The following CDH12 variants were observed in gnomAD, a reference collection of about 807,000 sequenced individuals.
CDH12 encodes the protein cadherin 12.
In CDH12, 41 loss-of-function variants were observed where a neutral mutation model predicts 74.1. That is an observed-to-expected ratio of 0.55 (90% CI 0.43 to 0.72). CDH12 has a LOEUF of 0.72. Ranked by LOEUF, CDH12 falls within the 30% of genes least tolerant of loss-of-function variation. CDH12 has a pLI of 0.00. For synonymous variants in CDH12, 399 were observed against 355.0 expected, an observed-to-expected ratio of 1.12 and a Z score of -1.39; for missense variants, 945 against 977.2, an observed-to-expected ratio of 0.97 and a Z score of 0.44.
intron 1 of CDH12, among the ~76,000 whole-genome samples, chr5:22,595,357 T>C (rs2126804912): frequency 6.6e-6 from 1 of 152,326 alleles, no homozygotes; most frequent in South Asian, 2.1e-4. Context: ...AAAGTTATTT[T>C]GGCATATGAT....
chr5:22,213,038 T>C (rs932128872), intron 3 of CDH12, among the ~76,000 whole-genome samples: 3 of 152,156 alleles, frequency 2.0e-5, no homozygotes, highest in Admixed American at 1.3e-4. Context: ...GTGTAAGATA[T>C]TAGGTACAGT....
At chr5:21,967,443 T>A (rs1756635716) in intron 6 of CDH12, among the ~76,000 whole-genome samples, 1 of 152,192 alleles carries the variant, frequency 6.6e-6, no homozygotes, top group African/African-American at 2.4e-5. Flanking sequence ...TACAACCACT[T>A]GGAGGCTGGG....
At chr5:22,269,905 C>G (rs1045481984) in intron 3 of CDH12, among the ~76,000 whole-genome samples, 1 of 152,104 alleles carries the variant, frequency 6.6e-6, no homozygotes, top group Non-Finnish European at 1.5e-5. Flanking sequence ...AACAAATCAT[C>G]ATTATTAGAA....
chr5:22,767,920 G>A (rs1746604660), intron 1 of CDH12, among the ~76,000 whole-genome samples: 1 of 151,824 alleles, frequency 6.6e-6, no homozygotes, highest in African/African-American at 2.4e-5. Context: ...CAGAACATAA[G>A]CATTTAAACT....
chr5:21,960,482 T>C (rs539512261), intron 6 of CDH12, among the ~76,000 whole-genome samples: 41 of 152,234 alleles, frequency 2.7e-4, no homozygotes, highest in African/African-American at 7.5e-4. Context: ...CAAACCTCAA[T>C]TGAGCGTGGG....
At chr5:22,360,099 A>C (rs1439493250) in intron 3 of CDH12, among the ~76,000 whole-genome samples, 2 of 152,184 alleles carry the variant, frequency 1.3e-5, no homozygotes, top group African/African-American at 4.8e-5. Context: ...ACTGAAGGAG[A>C]TAGAGACACA....
chr5:22,535,333 T>G (rs1737795458), intron 1 of CDH12, among the ~76,000 whole-genome samples: 1 of 151,806 alleles, frequency 6.6e-6, no homozygotes, highest in Non-Finnish European at 1.5e-5. Context: ...TTTTTTTGTA[T>G]TTTTAGTAGA....
At chr5:22,481,158 T>C (rs939886198) in intron 2 of CDH12, among the ~76,000 whole-genome samples, 1 of 152,226 alleles carries the variant, frequency 6.6e-6, no homozygotes, top group African/African-American at 2.4e-5. Context: ...AGATATCGCC[T>C]CATGCCTGTT....
At chr5:22,400,811 G>A (rs1301225264) in intron 3 of CDH12, among the ~76,000 whole-genome samples, 1 of 152,068 alleles carries the variant, frequency 6.6e-6, no homozygotes, top group Non-Finnish European at 1.5e-5. Flanking sequence ...ATGTTAGTTG[G>A]CATGCTACAT....
At chr5:22,091,147 G>A (rs948449367) in intron 4 of CDH12, among the ~76,000 whole-genome samples, 1 of 150,214 alleles carries the variant, frequency 6.7e-6, no homozygotes, top group Admixed American at 6.7e-5. Context: ...GTCTCAACTT[G>A]CAGATGACAT....
chr5:22,001,929 C>T (rs4635909), intron 5 of CDH12, among the ~76,000 whole-genome samples: 25,202 of 151,648 alleles, frequency 0.17, 2,369 homozygotes, highest in African/African-American at 0.25. Flanking sequence ...ATAAGACCCA[C>T]GAGAAAAATA....
At chr5:22,331,517 T>C (rs1335584583) in intron 3 of CDH12, among the ~76,000 whole-genome samples, 2 of 152,226 alleles carry the variant, frequency 1.3e-5, no homozygotes, top group Non-Finnish European at 2.9e-5. Flanking sequence ...TATTGGACTT[T>C]GAGCCTAAGT....
chr5:21,914,871 C>CACACA (rs1754017925), intron 6 of CDH12, among the ~76,000 whole-genome samples: 1 of 152,030 alleles, frequency 6.6e-6, no homozygotes, highest in Admixed American at 6.6e-5. Flanking sequence ...CATGAAATGC[C>CACACA]AAGTTGGATG....
intron 3 of CDH12, among the ~76,000 whole-genome samples, chr5:22,399,512 C>T (rs996706881): frequency 1.3e-5 from 2 of 152,116 alleles, no homozygotes; most frequent in African/African-American, 4.8e-5. Flanking sequence ...GACATCTGTT[C>T]CATTGCCTAC....
intron 1 of CDH12, among the ~76,000 whole-genome samples, chr5:22,571,226 T>C (rs551152048): frequency 1.8e-4 from 28 of 152,338 alleles, no homozygotes; most frequent in African/African-American, 6.7e-4. Flanking sequence ...CGAGAACTTT[T>C]CCTTTGCATT....
rs762944279 is a variant in CDH12, at chr5:22,643,733, C to CTTTTTTTTTT, written c.-522-138379_-522-138370dup. 1.4e-4 allele frequency among the ~76,000 whole-genome samples: 7 copies of CTTTTTTTTTT among 51,210 alleles called. 2 individuals carry two copies. The highest frequency in any genetic ancestry group is 4.0e-4 in the African/African-American group (5 of 12,598). The allele number at this position is 51,210 out of a possible 152,430, so 33.6% of individuals were successfully genotyped here. On this transcript the variant is annotated intron_variant, in intron 1 of 14. Transcript: ENST00000382254. Reference sequence around the variant, plus strand: ...ATTGCGCTTTTGGATTTTAAGGTATCTTTTTTTTTTTTTTTTTTTTTTTTT... The same window carrying CTTTTTTTTTT: ...ATTGCGCTTTTGGATTTTAAGGTATCTTTTTTTTTTTTTTTTTTTTTTTTTTTTTTTTTTT...
chr5:22,738,515 A>G (rs572265633), intron 1 of CDH12, among the ~76,000 whole-genome samples: 24 of 152,150 alleles, frequency 1.6e-4, no homozygotes, highest in African/African-American at 5.3e-4. Flanking sequence ...GTTACCTTGT[A>G]TACAGGAGAA....
intron 1 of CDH12, among the ~76,000 whole-genome samples, chr5:22,804,174 C>T (rs888238709): frequency 2.6e-5 from 4 of 151,802 alleles, no homozygotes; most frequent in South Asian, 2.1e-4. Context: ...TAGTATTTGG[C>T]GGCCACTAAA....
At chr5:22,125,760 T>C (rs990958662) in intron 4 of CDH12, among the ~76,000 whole-genome samples, 8 of 152,162 alleles carry the variant, frequency 5.3e-5, no homozygotes, top group African/African-American at 1.9e-4. Flanking sequence ...GCACGCCCTG[T>C]CTCCACCCTC....
Sources: gnomAD v4.1 joint callset for allele counts (sites outside exome capture counted in the v4.1 genomes callset) on GRCh38, gnomAD v4.1.1 for gene constraint, MANE v1.5 for transcripts, NCBI Gene and HGNC (gene_info 2026-07-23, HGNC 2026-07-21) for gene names.